CUL2: variants seen among roughly 807,000 people sequenced by gnomAD.
CUL2 encodes the protein cullin-2.
A neutral mutation model predicts 110.2 loss-of-function variants in CUL2; 22 were observed. The ratio of observed to expected loss-of-function variants is 0.20; its 90% confidence interval spans 0.14 to 0.28. The LOEUF (loss-of-function observed/expected upper bound fraction) is 0.28, where lower values mean the gene tolerates loss of function less well. Among genes scored for constraint, CUL2 ranks in the 10% least tolerant of loss-of-function variants. The probability of loss-of-function intolerance (pLI) is 1.00; values close to 1 mark genes in which losing one functional copy is unlikely to be tolerated. For missense variants in CUL2, 631 were observed against 905.5 expected (o/e 0.70, Z 3.89); for synonymous variants, 279 against 293.2 (o/e 0.95, Z 0.49).
chr10:35,038,710 C>A (rs926617149), intron 9 of CUL2, among the ~76,000 whole-genome samples: 2 of 151,632 alleles, frequency 1.3e-5, no homozygotes, highest in African/African-American at 4.8e-5. Context: ...TGTATAAACA[C>A]AATTTCCCAC....
intron 14 of CUL2, among the ~76,000 whole-genome samples, chr10:35,030,676 CCT>C (rs1387204453): frequency 1.3e-5 from 2 of 152,158 alleles, no homozygotes; most frequent in Non-Finnish European, 2.9e-5. Flanking sequence ...AACCACCACA[CCT>C]GGCCAACACT....
chr10:35,042,526 C>T (rs1203448115), intron 8 of CUL2, among the ~76,000 whole-genome samples: 3 of 152,110 alleles, frequency 2.0e-5, no homozygotes, highest in African/African-American at 7.3e-5. Flanking sequence ...TCTAATCTTG[C>T]CCTACCTTTC....
chr10:35,115,350 A>G (rs1338454431), intron 1 of CUL2, among the ~76,000 whole-genome samples: 3 of 151,456 alleles, frequency 2.0e-5, no homozygotes, highest in Admixed American at 2.0e-4. Context: ...TAGCGAGGTT[A>G]GGAATTCAAG....
chr10:35,064,554 A>T (rs2086468114), intron 2 of CUL2, among the ~76,000 whole-genome samples: 1 of 152,210 alleles, frequency 6.6e-6, no homozygotes, highest in Non-Finnish European at 1.5e-5. Flanking sequence ...CTGCTGAAGG[A>T]AAGGAGATGC....
At chr10:35,017,441 C>T (rs977032046) in intron 17 of CUL2, among the ~76,000 whole-genome samples, 2 of 152,036 alleles carry the variant, frequency 1.3e-5, no homozygotes, top group African/African-American at 4.8e-5. Context: ...TGCCTGTAAT[C>T]CCAGCACTTT....
At chr10:35,110,686 G>T (rs2087513830) in intron 1 of CUL2, among the ~76,000 whole-genome samples, 1 of 152,130 alleles carries the variant, frequency 6.6e-6, no homozygotes. Context: ...TCTGTTGCAG[G>T]CCTCTCTCCT....
intron 1 of CUL2, among the ~76,000 whole-genome samples, chr10:35,113,498 C>CAAAAAAAAAAA (rs59518617): frequency 3.0e-5 from 1 of 33,306 alleles, no homozygotes; most frequent in African/African-American, 1.0e-4. Context: ...GACTCTGCCT[C>CAAAAAAAAAAA]AAAAAAAAAA....
chr10:35,118,109 A>G (rs1302648217), intron 1 of CUL2: 1 of 152,190 alleles, frequency 6.6e-6, no homozygotes, highest in Non-Finnish European at 1.5e-5. Context: ...GGGTTTTGAC[A>G]AATGTGTAAT....
At chr10:35,039,970 T>C (rs570972103) in intron 8 of CUL2, among the ~76,000 whole-genome samples, 18 of 152,240 alleles carry the variant, frequency 1.2e-4, no homozygotes, top group African/African-American at 3.1e-4. Flanking sequence ...CTGGCCAACA[T>C]GGTGAAACCC....
intron 1 of CUL2, chr10:35,074,291 C>T: frequency 8.9e-7 from 1 of 1,128,942 alleles, no homozygotes; most frequent in Non-Finnish European, 1.3e-6. Context: ...TGCAACATGG[C>T]ACCCAAGCTT....
At chr10:35,079,593 T>A (rs1056111807) in intron 1 of CUL2, 1 of 152,886 alleles carries the variant, frequency 6.5e-6, no homozygotes, top group South Asian at 2.1e-4. Context: ...AGATTGAGAT[T>A]TGACAGCAAA....
rs752579429 is a variant in CUL2, at chr10:35,028,898, A to AAAAAT, written c.1540-16_1540-12dup. The AAAAAT allele has an allele frequency of 7.8e-5, 122 of 1,557,140 alleles. No homozygotes were observed. The Middle Eastern group carries it at 1.7e-3, about 22-fold the overall frequency. ...AGGCCACGCACCAGCCTAGAAGGAA[A>AAAAAT]AAAATAAAATAAAATAAGCTAAATG... On this transcript the variant is annotated splice_polypyrimidine_tract_variant and intron_variant, in intron 15 of 20. Coordinates refer to ENST00000374749, the MANE Select transcript of CUL2 (RefSeq NM_003591.4).
intron 1 of CUL2, chr10:35,079,583 A>T (rs2086898597): frequency 6.5e-6 from 1 of 152,772 alleles, no homozygotes; most frequent in African/African-American, 2.4e-5. Flanking sequence ...TCACTTTTAC[A>T]GATTGAGATT....
intron 1 of CUL2, among the ~76,000 whole-genome samples, chr10:35,119,227 T>A (rs1325652275): frequency 6.6e-6 from 1 of 152,190 alleles, no homozygotes; most frequent in East Asian, 1.9e-4. Flanking sequence ...ACATTCTCAA[T>A]CTTGGAGGAG....
At chr10:35,013,439 G>A (rs1482781517) in intron 19 of CUL2, among the ~76,000 whole-genome samples, 2 of 151,936 alleles carry the variant, frequency 1.3e-5, no homozygotes. Context: ...AATTTTCGGA[G>A]AGAATGCATA....
chr10:35,099,804 T>A (rs1273213718), intron 2 of CUL2, among the ~76,000 whole-genome samples: 1 of 152,130 alleles, frequency 6.6e-6, no homozygotes, highest in Admixed American at 6.6e-5. Context: ...GTTAAGAATC[T>A]GAGCTAAGTG....
intron 17 of CUL2, 82 bp downstream of exon 17, chr10:35,025,050 T>G: frequency 1.4e-6 from 2 of 1,380,814 alleles, no homozygotes; most frequent in African/African-American, 3.0e-5. Context: ...AAACTGTAAT[T>G]GGGCCATAGA....
At chr10:35,083,333 G>A (rs67976880) in intron 1 of CUL2, among the ~76,000 whole-genome samples, 1 of 151,896 alleles carries the variant, frequency 6.6e-6, no homozygotes, top group Non-Finnish European at 1.5e-5. Context: ...ACATATACAT[G>A]CAGATAAAAA....
At chr10:35,089,469 C>G (rs987314175) in intron 1 of CUL2, among the ~76,000 whole-genome samples, 3 of 152,186 alleles carry the variant, frequency 2.0e-5, no homozygotes, top group Non-Finnish European at 2.9e-5. Context: ...CAATCTATAG[C>G]GAACGTTAAT....
Sources: allele counts gnomAD v4.1 joint callset (sites outside exome capture counted in the v4.1 genomes callset), GRCh38; gene constraint gnomAD v4.1.1; transcripts MANE v1.5; gene names NCBI Gene and HGNC (gene_info 2026-07-23, HGNC 2026-07-21).